The following GRIP1 variants were observed in gnomAD, a reference collection of about 807,000 sequenced individuals.
GRIP1 encodes glutamate receptor interacting protein 1.
GRIP1 carries 45 observed loss-of-function variants against 129.9 expected under a neutral mutation model. That is an observed-to-expected ratio of 0.35 (90% CI 0.27 to 0.44). GRIP1 has a LOEUF of 0.44. GRIP1 is among the 20% of genes least tolerant of loss of function. GRIP1 has a pLI of 1.00. For missense variants in GRIP1, 1,196 were observed against 1,396.8 expected (o/e 0.86, Z 2.29); for synonymous variants, 530 against 520.8 (o/e 1.02, Z -0.24).
chr12:67,059,499 T>C (rs1240841528), intron 1 of GRIP1, among the ~76,000 whole-genome samples: 2 of 152,138 alleles, frequency 1.3e-5, no homozygotes, highest in Non-Finnish European at 2.9e-5. Flanking sequence ...TACTAACCTT[T>C]CCCCTTTGCT....
intron 7 of GRIP1, among the ~76,000 whole-genome samples, chr12:66,489,730 CA>C (rs1302510465): frequency 1.3e-5 from 2 of 152,078 alleles, no homozygotes; most frequent in African/African-American, 4.8e-5. Context: ...CATCTCAGCC[CA>C]AAAGCTTCTT....
intron 1 of GRIP1, among the ~76,000 whole-genome samples, chr12:67,006,140 T>C (rs2042622981): frequency 6.6e-6 from 1 of 151,928 alleles, no homozygotes; most frequent in African/African-American, 2.4e-5. Context: ...AATAAATATA[T>C]AGGGAAAGGG....
intron 1 of GRIP1, among the ~76,000 whole-genome samples, chr12:66,651,926 A>C (rs1339511739): frequency 1.3e-5 from 2 of 152,168 alleles, no homozygotes; most frequent in Non-Finnish European, 2.9e-5. Flanking sequence ...CCATATTTTG[A>C]GAGTTTTCTC....
intron 13 of GRIP1, among the ~76,000 whole-genome samples, chr12:66,438,151 T>C (rs923843): frequency 0.66 from 100,727 of 152,088 alleles, 34,585 homozygotes; most frequent in Non-Finnish European, 0.77. Flanking sequence ...CACCATCTGA[T>C]CCATCCTTGA....
Position 66,371,818 on chromosome 12 carries a change from T to A in GRIP1, c.2888A>T (p.His963Leu). The stretch of plus-strand genomic sequence containing the variant: ...GTTGCTCCGAGTTGTTTGGCTGTAG[T>A]GCGGCCGCGAGCTGCTGCGCTCCTG... ...SFQERSSSRP[H>L]YSQTTRSNTL... Residue 963 changes from histidine to leucine, a missense_variant, in exon 23 of 25, where the codon CAC becomes CTC. By Grantham distance (99) the His-to-Leu change is moderately conservative. Transcript: ENST00000359742. The A allele has an allele frequency of 1.2e-6, 2 of 1,614,054 alleles. No individual in the cohort carries two copies. The highest frequency in any genetic ancestry group is 1.7e-6 in the Non-Finnish European group (2 of 1,179,894).
At chr12:66,885,349 C>G (rs111672437) in intron 1 of GRIP1, among the ~76,000 whole-genome samples, 171 of 152,232 alleles carry the variant, frequency 1.1e-3, no homozygotes, top group African/African-American at 4.0e-3. Context: ...GCTGGAACAT[C>G]CCATGGCCCC....
rs144461941 is a variant in GRIP1 at position 66,405,479 on chromosome 12, C to A, written c.1984+804G>T. 2.5e-3 allele frequency among the ~76,000 whole-genome samples: 380 copies of A among 152,308 alleles called. 3 individuals carry two copies. The East Asian group carries it at 0.037, about 15-fold the overall frequency. On this transcript the variant is annotated intron_variant, in intron 16 of 24. Transcript: ENST00000359742. ...GGCTACCCAAAGTGTGCTCCTTGCA[C>A]CACAGCTGTGGCAGCATCTGGGTGT...
chr12:66,555,628 T>C (rs1343059596), intron 2 of GRIP1, among the ~76,000 whole-genome samples: 1 of 152,032 alleles, frequency 6.6e-6, no homozygotes, highest in African/African-American at 2.4e-5. Flanking sequence ...AGAGAGAGAA[T>C]GCAAAATAGG....
intron 1 of GRIP1, among the ~76,000 whole-genome samples, chr12:66,894,082 A>C (rs768217596): frequency 3.3e-5 from 5 of 152,100 alleles, no homozygotes; most frequent in African/African-American, 4.8e-5. Flanking sequence ...TCATCCCTCA[A>C]AAGTCCACAT....
intron 1 of GRIP1, among the ~76,000 whole-genome samples, chr12:66,630,534 G>A (rs1338647573): frequency 1.3e-5 from 2 of 152,140 alleles, no homozygotes; most frequent in Non-Finnish European, 2.9e-5. Context: ...TGCCAGGTGA[G>A]AAAAGTAAGT....
intron 22 of GRIP1, 62 bp downstream of exon 22, chr12:66,376,955 G>A (rs761292361): frequency 1.3e-4 from 146 of 1,130,348 alleles, no homozygotes; most frequent in Non-Finnish European, 1.8e-4. Context: ...TTGCTGTCCA[G>A]AAGGCAAGGG....
chr12:66,478,798 A>G (rs2059705608), intron 7 of GRIP1, among the ~76,000 whole-genome samples: 2 of 152,172 alleles, frequency 1.3e-5, no homozygotes, highest in Non-Finnish European at 2.9e-5. Flanking sequence ...CAAACACTGC[A>G]TGTTCTCACT....
At chr12:66,490,419 T>C (rs2060073634) in intron 7 of GRIP1, among the ~76,000 whole-genome samples, 1 of 152,232 alleles carries the variant, frequency 6.6e-6, no homozygotes, top group Non-Finnish European at 1.5e-5. Context: ...GAGAACTGGC[T>C]AGCCATAGGC....
chr12:66,382,046 C>T (rs1023123336), intron 19 of GRIP1, among the ~76,000 whole-genome samples: 1 of 152,168 alleles, frequency 6.6e-6, no homozygotes, highest in South Asian at 2.1e-4. Flanking sequence ...GGCAATAATC[C>T]GTCTCTACAA....
intron 1 of GRIP1, among the ~76,000 whole-genome samples, chr12:66,812,591 C>T (rs554200893): frequency 4.6e-5 from 7 of 152,290 alleles, no homozygotes; most frequent in South Asian, 2.1e-4. Flanking sequence ...AGTCATCATT[C>T]GCCTTGATAG....
At chr12:66,655,231 C>T (rs771163599) in intron 1 of GRIP1, among the ~76,000 whole-genome samples, 1 of 152,220 alleles carries the variant, frequency 6.6e-6, no homozygotes, top group African/African-American at 2.4e-5. Context: ...ATGCTTTTCC[C>T]ACATTTGGAT....
chr12:66,500,181 C>T (rs1319665211), intron 7 of GRIP1, among the ~76,000 whole-genome samples: 2 of 152,152 alleles, frequency 1.3e-5, no homozygotes, highest in African/African-American at 2.4e-5. Context: ...CAACTTTGAT[C>T]ATCACAATAA....
At position 66,572,263 on chromosome 12, in the gene GRIP1, C is replaced by A. The variant is rs527761554; in HGVS notation, c.136+24584G>T. On this transcript the variant is annotated intron_variant, in intron 2 of 24. Coordinates refer to ENST00000359742, the MANE Select transcript of GRIP1 (RefSeq NM_001366722.1). ...TCCAATTCATTATCTCTCCCTCTTC[C>A]AGGAGATGTTAGATGGTGTTTATTG... Among the ~76,000 whole-genome samples, 7 of 152,278 alleles carry A rather than the reference C, an allele frequency of 4.6e-5. No individual in the cohort carries two copies. In the South Asian group the frequency reaches 1.5e-3, roughly 32 times the overall value.
chr12:66,379,353 T>C lies in GRIP1; in HGVS notation c.2548A>G (p.Thr850Ala). Reference protein sequence around the residue: ...PKQRGSLSPVTKPRSQTYPDV... With the variant: ...PKQRGSLSPVAKPRSQTYPDV... ...GGGTAAGTCTGGCTTCGAGGCTTAG[T>C]GACTGGGGACAAGCTGCCTCTCTGT... Residue 850 changes from threonine (T) to alanine (A), a missense_variant, in exon 20 of 25, where the codon ACT becomes GCT. Transcript: ENST00000359742. The C allele has an allele frequency of 1.2e-6, 2 of 1,614,044 alleles. No homozygotes were observed. Among genetic ancestry groups the C allele is most frequent in the Non-Finnish European group, 1.7e-6 (2 of 1,179,890 alleles).
Sources: gnomAD v4.1 joint callset for allele counts (sites outside exome capture counted in the v4.1 genomes callset) on GRCh38, gnomAD v4.1.1 for gene constraint, MANE v1.5 for transcripts, NCBI Gene and HGNC (gene_info 2026-07-23, HGNC 2026-07-21) for gene names.